AGAP1: variants seen among roughly 807,000 people sequenced by gnomAD.
AGAP1 encodes the protein ArfGAP with GTPase domain, ankyrin repeat and PH domain 1, also known as arf-GAP with GTPase, ANK repeat and PH domain-containing protein 1.
In AGAP1, 29 loss-of-function variants were observed where a neutral mutation model predicts 105.3. That is an observed-to-expected ratio of 0.28 (90% CI 0.21 to 0.38). The LOEUF is 0.38. AGAP1 is among the 10% of genes least tolerant of loss of function. AGAP1 has a pLI of 1.00. For missense variants in AGAP1, 998 were observed against 1,165.1 expected, an observed-to-expected ratio of 0.86 and a Z score of 2.09; for synonymous variants, 509 against 485.9, an observed-to-expected ratio of 1.05 and a Z score of -0.63.
rs1215030174 is a variant in AGAP1, at chr2:235,983,020, G to C, written c.1645+14397G>C. ...TGCAAACACTCCTCCACACTGTTCA[G>C]ATGAGCGATGTGTGAGCATGAGGAG... On this transcript the variant is annotated intron_variant, in intron 13 of 17. Transcript: ENST00000304032. This position sits in a 1 kb window ranked among gnomAD's most constrained non-coding sequence, Gnocchi z 4.5. Among the ~76,000 whole-genome samples the C allele has an allele frequency of 1.3e-5, 2 of 152,188 alleles. No homozygotes were observed. The highest frequency in any genetic ancestry group is 3.9e-4 in the East Asian group (2 of 5,186).
chr2:235,594,979 C>G (rs1945476947), intron 1 of AGAP1, among the ~76,000 whole-genome samples: 1 of 149,138 alleles, frequency 6.7e-6, no homozygotes, highest in Non-Finnish European at 1.5e-5. Context: ...TAGCTGGAAC[C>G]AGAGCACCAG....
rs1364761392 is a variant in AGAP1 at position 236,003,820 on chromosome 2, ACTAT to A, written c.1646-32736_1646-32733del. Reference sequence around the variant, plus strand: ...TTTTCTGGAAGTTTGCATGTCCTACACTATCTATAAATATGTAACTTTTTTTCCA... The same window carrying A: ...TTTTCTGGAAGTTTGCATGTCCTACACTATAAATATGTAACTTTTTTTCCA... On this transcript the variant is annotated intron_variant, in intron 13 of 17. Transcript: ENST00000304032. This position sits in a 1 kb window ranked among gnomAD's most constrained non-coding sequence, Gnocchi z 4.2. Among the ~76,000 whole-genome samples, 3 of 151,918 alleles carry A rather than the reference ACTAT, an allele frequency of 2.0e-5. No homozygotes were observed. The highest frequency in any genetic ancestry group is 4.4e-5 in the Non-Finnish European group (3 of 67,988).
In AGAP1 at chr2:236,014,166, C is replaced by G. The variant is rs1275702797; in HGVS notation, c.1646-22395C>G. ...TGAGGTGGCATTTGCTCTTCTGGTT[C>G]CTAGGAGCTCCATTTAGAGCCGTAA... On this transcript the variant is annotated intron_variant, in intron 13 of 17. Transcript: ENST00000304032. This position sits in a 1 kb window ranked among gnomAD's most constrained non-coding sequence, Gnocchi z 6.3. Among the ~76,000 whole-genome samples, 1 of 152,122 alleles carries G rather than the reference C, an allele frequency of 6.6e-6. No homozygotes were observed. The highest frequency in any genetic ancestry group is 1.9e-4 in the East Asian group (1 of 5,178).
intron 16 of AGAP1, among the ~76,000 whole-genome samples, chr2:236,071,058 G>A (rs774385012): frequency 3.3e-5 from 5 of 152,250 alleles, no homozygotes; most frequent in Admixed American, 6.5e-5. Flanking sequence ...AGGAGATCAT[G>A]TTTCTGAGAC....
chr2:236,026,850 G>A (rs1189482370), intron 13 of AGAP1, among the ~76,000 whole-genome samples: 5 of 152,206 alleles, frequency 3.3e-5, no homozygotes, highest in Non-Finnish European at 5.9e-5. Flanking sequence ...AGAAGATAAC[G>A]GAAAGCCACT....
chr2:235,950,762 T>C (rs978631859), intron 12 of AGAP1, among the ~76,000 whole-genome samples: 1 of 152,230 alleles, frequency 6.6e-6, no homozygotes, highest in African/African-American at 2.4e-5. Flanking sequence ...ACCTTTCAGT[T>C]TATTTTAAAG....
chr2:236,034,947 A>C (rs2057334756), intron 13 of AGAP1, among the ~76,000 whole-genome samples: 1 of 152,120 alleles, frequency 6.6e-6, no homozygotes, highest in South Asian at 2.1e-4. Context: ...GGTGGAAGGG[A>C]TCTCTCAGCC....
chr2:235,772,984 G>A (rs567722055), intron 6 of AGAP1, among the ~76,000 whole-genome samples: 22 of 152,292 alleles, frequency 1.4e-4, no homozygotes, highest in Middle Eastern at 6.8e-3. Flanking sequence ...TGTTTTGGAA[G>A]CAGATCAACT....
rs368796226 is a variant in AGAP1, at chr2:235,882,519, G to A, written c.1051-826G>A. The A allele has an allele frequency of 9.6e-6, 13 of 1,348,148 alleles. No individual in the cohort carries two copies. In the East Asian group the frequency reaches 1.2e-4, roughly 13 times the overall value. The allele number at this position is 1,348,148 out of a possible 1,614,324, so 83.5% of individuals were successfully genotyped here. ...TTTCTTAAAACAATCGGTACCATCC[G>A]TGGCGGGCTCTTAGCTCACTGCAAC... On this transcript the variant is annotated intron_variant, in intron 9 of 17. Coordinates refer to ENST00000304032, the MANE Select transcript of AGAP1 (RefSeq NM_001037131.3). The surrounding 1 kb of genome is among the most constrained non-coding windows in gnomAD (Gnocchi z 4.6).
Position 235,717,590 on chromosome 2 carries a change from G to A in AGAP1, c.256G>A (p.Ala86Thr), listed in dbSNP as rs772773109. ...GGGTAACTTGGCCAGCGGCAAGTCT[G>A]CCCTGGTGCACCGGTACCTGACGGG... ...IVGNLASGKS[A>T]LVHRYLTGTY... The change falls in exon 3 of 18, where the codon GCC (alanine) becomes ACC (threonine). Residue 86 changes from alanine (A) to threonine (T), a missense_variant. Coordinates refer to ENST00000304032, the MANE Select transcript of AGAP1 (RefSeq NM_001037131.3). 1 of 1,604,234 alleles carries A rather than the reference G, an allele frequency of 6.2e-7. No homozygotes were observed. Among genetic ancestry groups the A allele is most frequent in the Non-Finnish European group, 8.5e-7 (1 of 1,177,898 alleles).
rs112761133 is a variant in AGAP1, at chr2:235,516,055, TCTG to T, written c.163+21243_163+21245del. ...CTCCTGTTCCTGCCGCATGGGCTCC[TCTG>T]CTGCTGCTGCTGCTGCTGCTGCTGC... On this transcript the variant is annotated intron_variant, in intron 1 of 17. Transcript: ENST00000304032. Among the ~76,000 whole-genome samples the T allele has an allele frequency of 7.8e-3, 1,075 of 138,676 alleles. 11 individuals carry two copies. Among genetic ancestry groups the T allele is most frequent in the African/African-American group, 0.027 (968 of 36,104 alleles). 91.0% of individuals were successfully genotyped at this position (138,676 alleles called of 152,430 possible). A position where few individuals can be genotyped will look rare whatever the true frequency, so the allele number is the denominator to read the frequency against.
chr2:235,910,464 C>T (rs1435250100), intron 11 of AGAP1, among the ~76,000 whole-genome samples: 1 of 152,148 alleles, frequency 6.6e-6, no homozygotes, highest in African/African-American at 2.4e-5. Flanking sequence ...GACCTTTCTT[C>T]CAAGACATCC....
chr2:236,099,510 A>G (rs2059292256), intron 16 of AGAP1, among the ~76,000 whole-genome samples: 1 of 152,210 alleles, frequency 6.6e-6, no homozygotes, highest in Non-Finnish European at 1.5e-5. Flanking sequence ...AGCATTCAGG[A>G]CATTAAATAA....
At chr2:235,770,133 C>CTTT (rs57008190) in intron 6 of AGAP1, among the ~76,000 whole-genome samples, 1 of 136,656 alleles carries the variant, frequency 7.3e-6, no homozygotes, top group Non-Finnish European at 1.6e-5. Context: ...TTCTTTGTTT[C>CTTT]TTTTTTTTTT....
intron 6 of AGAP1, among the ~76,000 whole-genome samples, chr2:235,756,839 G>GT (rs1953967996): frequency 6.6e-6 from 1 of 152,080 alleles, no homozygotes; most frequent in African/African-American, 2.4e-5. Flanking sequence ...AGGTGGAACC[G>GT]TTTCATCCCA....
intron 13 of AGAP1, among the ~76,000 whole-genome samples, chr2:236,015,127 A>G (rs2056652682): frequency 6.6e-6 from 1 of 152,122 alleles, no homozygotes; most frequent in Admixed American, 6.5e-5. Context: ...TAGAGTAGTG[A>G]TGTTTAAATT....
At position 235,622,454 on chromosome 2, in the gene AGAP1, C is replaced by G. The variant is rs774329337; in HGVS notation, c.164-86725C>G. Among the ~76,000 whole-genome samples, 1 of 152,310 alleles carries G rather than the reference C, an allele frequency of 6.6e-6. No individual in the cohort carries two copies. The highest frequency in any genetic ancestry group is 2.1e-4 in the South Asian group (1 of 4,826). ...TGATGAATGGATCTAGACCTGGTGC[C>G]TGGACTCAATCTGCAGAGACAGGTG... On this transcript the variant is annotated intron_variant, in intron 1 of 17. Transcript: ENST00000304032. This position sits in a 1 kb window ranked among gnomAD's most constrained non-coding sequence, Gnocchi z 5.0.
intron 1 of AGAP1, among the ~76,000 whole-genome samples, chr2:235,686,665 A>ATATATATATTT (rs1369766503): frequency 2.6e-5 from 2 of 77,492 alleles, no homozygotes; most frequent in African/African-American, 6.5e-5. Context: ...ATATATATAT[A>ATATATATATTT]TTTTTTTTTT....
chr2:235,828,056 A>G, intron 9 of AGAP1, among the ~76,000 whole-genome samples: 1 of 152,234 alleles, frequency 6.6e-6, no homozygotes, highest in East Asian at 1.9e-4. Flanking sequence ...AGTATCCCAG[A>G]GAAAGATGAG....
Sources: gnomAD v4.1 joint callset for allele counts (sites outside exome capture counted in the v4.1 genomes callset) on GRCh38, gnomAD v4.1.1 for gene constraint, Gnocchi (gnomAD v3.1) non-coding constraint, MANE v1.5 for transcripts, NCBI Gene and HGNC (gene_info 2026-07-23, HGNC 2026-07-21) for gene names.